DLC1: variants seen among roughly 807,000 people sequenced by gnomAD.
DLC1 encodes DLC1 Rho GTPase activating protein, also known as rho GTPase-activating protein 7.
Under a neutral mutation model 140.3 loss-of-function variants are expected in DLC1, and 54 were observed. The ratio of observed to expected loss-of-function variants is 0.38; its 90% CI spans 0.31 to 0.48. The LOEUF is 0.48. Among genes scored for constraint, DLC1 ranks in the 20% least tolerant of loss-of-function variants. DLC1 has a pLI of 0.96. For missense variants in DLC1, 2,536 were observed against 1,907.0 expected (o/e 1.33, Z -6.14); for synonymous variants, 986 against 728.1 (o/e 1.35, Z -5.70).
chr8:13,345,960 G>T (rs1834315811), intron 4 of DLC1, among the ~76,000 whole-genome samples: 1 of 152,144 alleles, frequency 6.6e-6, no homozygotes, highest in Non-Finnish European at 1.5e-5. Context: ...TTAAGGCATT[G>T]TTCATAGAAA....
intron 4 of DLC1, among the ~76,000 whole-genome samples, chr8:13,333,890 T>G (rs1218572500): frequency 6.6e-6 from 1 of 152,170 alleles, no homozygotes; most frequent in African/African-American, 2.4e-5. Context: ...AATTTTCAAG[T>G]GTCTTCTCTG....
At chr8:13,322,485 G>T (rs1439909772) in intron 4 of DLC1, among the ~76,000 whole-genome samples, 1 of 40,448 alleles carries the variant, frequency 2.5e-5, no homozygotes, top group East Asian at 2.1e-3. Flanking sequence ...ATATACATCT[G>T]ACATTATAAC....
intron 5 of DLC1, among the ~76,000 whole-genome samples, chr8:13,193,604 C>T (rs995407649): frequency 3.3e-5 from 5 of 152,124 alleles, no homozygotes; most frequent in African/African-American, 7.2e-5. Flanking sequence ...CTGGTTGTTG[C>T]CTTCTGTTTT....
intron 2 of DLC1, among the ~76,000 whole-genome samples, chr8:13,497,108 T>A (rs1801553037): frequency 6.6e-6 from 1 of 152,084 alleles, no homozygotes; most frequent in Admixed American, 6.6e-5. Context: ...CCTAAACAAA[T>A]TCTTTATTGA....
intron 4 of DLC1, among the ~76,000 whole-genome samples, chr8:13,360,593 C>G (rs903451312): frequency 6.6e-6 from 1 of 152,022 alleles, no homozygotes; most frequent in African/African-American, 2.4e-5. Context: ...CCAGTTAATC[C>G]TAATATGCTG....
chr8:13,531,326 C>T (rs950176154), intron 1 of DLC1, among the ~76,000 whole-genome samples: 1 of 152,194 alleles, frequency 6.6e-6, no homozygotes, highest in Non-Finnish European at 1.5e-5. Context: ...TGGCTCATGC[C>T]TGTAATCCCA....
At chr8:13,268,321 C>G (rs1285818917) in intron 5 of DLC1, among the ~76,000 whole-genome samples, 1 of 152,118 alleles carries the variant, frequency 6.6e-6, no homozygotes, top group Non-Finnish European at 1.5e-5. Context: ...ACTTGCCTGA[C>G]TCTGTTTGTT....
intron 4 of DLC1, among the ~76,000 whole-genome samples, chr8:13,381,925 G>C (rs1240929166): frequency 6.6e-6 from 1 of 152,084 alleles, no homozygotes; most frequent in Admixed American, 6.5e-5. Flanking sequence ...TTGGGAGGCA[G>C]GTGGATGCTA....
chr8:13,485,665 G>T (rs567375429), intron 2 of DLC1, among the ~76,000 whole-genome samples: 1 of 152,134 alleles, frequency 6.6e-6, no homozygotes, highest in Admixed American at 6.5e-5. Context: ...ATTAAATCTC[G>T]TAATCTACAG....
intron 5 of DLC1, chr8:13,214,553 C>T (rs1318747958): frequency 2.9e-6 from 2 of 698,974 alleles, no homozygotes; most frequent in East Asian, 2.5e-5. Context: ...GGCCCCAACC[C>T]CACCTTTTTT....
At chr8:13,380,829 T>C (rs1406111976) in intron 4 of DLC1, among the ~76,000 whole-genome samples, 1 of 152,176 alleles carries the variant, frequency 6.6e-6, no homozygotes, top group Non-Finnish European at 1.5e-5. Context: ...GGAGAATGCA[T>C]TCAAGACCTC....
At chr8:13,470,533 C>A (rs2117067468) in intron 2 of DLC1, among the ~76,000 whole-genome samples, 3 of 152,268 alleles carry the variant, frequency 2.0e-5, no homozygotes, top group Admixed American at 2.0e-4. Flanking sequence ...CATCACTAAT[C>A]ATCAAGGAAA....
chr8:13,232,976 A>G (rs1354369795), intron 5 of DLC1, among the ~76,000 whole-genome samples: 1 of 152,238 alleles, frequency 6.6e-6, no homozygotes, highest in East Asian at 1.9e-4. Flanking sequence ...ATTGAACAAA[A>G]GGAATCATTA....
At chr8:13,331,063 G>C (rs1469927476) in intron 4 of DLC1, among the ~76,000 whole-genome samples, 2 of 152,180 alleles carry the variant, frequency 1.3e-5, no homozygotes, top group African/African-American at 2.4e-5. Flanking sequence ...CCTTCTTTAT[G>C]ATTCGCCCAG....
intron 4 of DLC1, among the ~76,000 whole-genome samples, chr8:13,375,220 G>C (rs1346747972): frequency 6.6e-6 from 1 of 151,970 alleles, no homozygotes; most frequent in Non-Finnish European, 1.5e-5. Context: ...GTAGAGACGG[G>C]GTTTCACTGT....
intron 2 of DLC1, among the ~76,000 whole-genome samples, chr8:13,435,506 G>A (rs1283764400): frequency 1.3e-5 from 2 of 152,198 alleles, no homozygotes; most frequent in South Asian, 2.1e-4. Context: ...TAGAGATGGG[G>A]TTTCTCCATG....
chr8:13,236,971 C>G (rs1829309437), intron 5 of DLC1, among the ~76,000 whole-genome samples: 1 of 151,808 alleles, frequency 6.6e-6, no homozygotes, highest in Non-Finnish European at 1.5e-5. Flanking sequence ...ATCACTGAAC[C>G]TTTTCAGATT....
intron 5 of DLC1, among the ~76,000 whole-genome samples, chr8:13,169,161 C>T (rs999363667): frequency 1.3e-5 from 2 of 152,184 alleles, no homozygotes; most frequent in African/African-American, 2.4e-5. Context: ...AAGGTTAGAA[C>T]TTACTCAACA....
chr8:13,464,766 T>TATATATATATATATA (rs1563370459), intron 2 of DLC1, among the ~76,000 whole-genome samples: 1 of 7,556 alleles, frequency 1.3e-4, no homozygotes, highest in African/African-American at 4.1e-4. Context: ...ATATATATAT[T>TATATATATATATATA]TATATATATA....
Sources: gnomAD v4.1 joint callset for allele counts (sites outside exome capture counted in the v4.1 genomes callset) on GRCh38, gnomAD v4.1.1 for gene constraint, MANE v1.5 for transcripts, NCBI Gene and HGNC (gene_info 2026-07-23, HGNC 2026-07-21) for gene names.